Variants in SCAPER observed in about 807,000 individuals in gnomAD.
SCAPER encodes the protein S-phase cyclin A associated protein in the ER.
Under a neutral mutation model 182.2 loss-of-function variants are expected in SCAPER, and 98 were observed. The ratio of observed to expected loss-of-function variants is 0.54; its 90% CI spans 0.46 to 0.64. The LOEUF is 0.64. Among genes scored for constraint, SCAPER ranks in the 30% least tolerant of loss-of-function variants. The probability of loss-of-function intolerance (pLI) is 0.00; values close to 1 mark genes in which losing one functional copy is unlikely to be tolerated. For synonymous variants in SCAPER, 605 were observed against 564.6 expected, an observed-to-expected ratio of 1.07 and a Z score of -1.01; for missense variants, 1,432 against 1,690.0, an observed-to-expected ratio of 0.85 and a Z score of 2.68.
chr15:76,478,531 C>G (rs2050842737), intron 24 of SCAPER, among the ~76,000 whole-genome samples: 1 of 152,046 alleles, frequency 6.6e-6, no homozygotes, highest in Admixed American at 6.5e-5. Flanking sequence ...CACCTTCTAA[C>G]CATTTGTATT....
At chr15:76,784,720 G>T (rs2064449262) in intron 8 of SCAPER, among the ~76,000 whole-genome samples, 1 of 152,166 alleles carries the variant, frequency 6.6e-6, no homozygotes, top group Admixed American at 6.5e-5. Context: ...AGAGGCCTCA[G>T]AAATAACACC....
intron 24 of SCAPER, among the ~76,000 whole-genome samples, chr15:76,501,856 G>A (rs1054690232): frequency 1.3e-5 from 2 of 152,184 alleles, no homozygotes; most frequent in Non-Finnish European, 2.9e-5. Flanking sequence ...GAGAGCAACT[G>A]GAAGGAAAAT....
chr15:76,794,880 C>G (rs536952809), intron 8 of SCAPER, among the ~76,000 whole-genome samples: 6 of 152,034 alleles, frequency 3.9e-5, no homozygotes, highest in Non-Finnish European at 5.9e-5. Context: ...AAGATAAACA[C>G]AGAATATTAT....
intron 20 of SCAPER, among the ~76,000 whole-genome samples, chr15:76,685,276 G>A (rs35138393): frequency 0.38 from 57,489 of 151,448 alleles, 12,951 homozygotes; most frequent in Middle Eastern, 0.52. Flanking sequence ...GAATGCCACC[G>A]CTACATGTGT....
At chr15:76,885,274 G>T (rs2073780237) in intron 1 of SCAPER, among the ~76,000 whole-genome samples, 1 of 152,112 alleles carries the variant, frequency 6.6e-6, no homozygotes, top group African/African-American at 2.4e-5. Flanking sequence ...CTCACAGTAG[G>T]TTATCATGTC....
chr15:76,417,095 G>T (rs1410836343), intron 26 of SCAPER, among the ~76,000 whole-genome samples: 1 of 151,474 alleles, frequency 6.6e-6, no homozygotes, highest in Non-Finnish European at 1.5e-5. Context: ...GTTTAAAAAA[G>T]CACATTATAA....
intron 17 of SCAPER, among the ~76,000 whole-genome samples, chr15:76,715,562 C>T (rs1456601400): frequency 6.6e-6 from 1 of 152,076 alleles, no homozygotes; most frequent in East Asian, 1.9e-4. Context: ...CTGTATCTTG[C>T]CATTCCTGGC....
At position 76,434,315 on chromosome 15, in the gene SCAPER, A is replaced by G; in HGVS notation, c.3079-5T>C. The G allele has an allele frequency of 1.3e-6, 2 of 1,589,154 alleles. No homozygotes were observed. The highest frequency in any genetic ancestry group is 1.7e-6 in the Non-Finnish European group (2 of 1,164,062). ...ATTTTCATCTGGAACATAAACCTAGATGAAAAAAAAGTACAGTAAATATGT... is the reference window on the plus strand; with the variant it reads ...ATTTTCATCTGGAACATAAACCTAGGTGAAAAAAAAGTACAGTAAATATGT... On this transcript the variant is annotated splice_polypyrimidine_tract_variant and splice_region_variant and intron_variant, in intron 25 of 31. Transcript: ENST00000563290.
chr15:76,446,394 C>T (rs956211298), intron 25 of SCAPER, among the ~76,000 whole-genome samples: 4 of 152,184 alleles, frequency 2.6e-5, no homozygotes, highest in Non-Finnish European at 4.4e-5. Context: ...CAGGCTTCAA[C>T]TGGTGCTAAT....
chr15:76,845,377 C>T (rs1272349536), intron 4 of SCAPER, among the ~76,000 whole-genome samples: 1 of 152,008 alleles, frequency 6.6e-6, no homozygotes, highest in Non-Finnish European at 1.5e-5. Flanking sequence ...CTACTTAGAG[C>T]AATCAGACAT....
At chr15:76,886,910 A>G (rs1210958465) in intron 1 of SCAPER, among the ~76,000 whole-genome samples, 3 of 152,190 alleles carry the variant, frequency 2.0e-5, no homozygotes, top group African/African-American at 7.2e-5. Flanking sequence ...ACAGAAAACC[A>G]AACACCGCAT....
At position 76,435,289 on chromosome 15, in the gene SCAPER, A is replaced by G. The variant is rs145497453; in HGVS notation, c.3079-979T>C. 5.9e-5 allele frequency among the ~76,000 whole-genome samples: 9 copies of G among 152,370 alleles called. 1 individual carries two copies. The East Asian group carries it at 1.7e-3, about 29-fold the overall frequency. On this transcript the variant is annotated intron_variant, in intron 25 of 31. Coordinates refer to ENST00000563290, the MANE Select transcript of SCAPER (RefSeq NM_020843.4). ...AGTTATTGTTTTTTCTATTATGACT[A>G]TGCAAATATTCACAGCTAATCTACT...
At chr15:76,542,341 G>C (rs973028028) in intron 23 of SCAPER, among the ~76,000 whole-genome samples, 2 of 151,846 alleles carry the variant, frequency 1.3e-5, no homozygotes, top group Non-Finnish European at 2.9e-5. Flanking sequence ...TGGCCAACAT[G>C]GTGAAGCCCC....
chr15:76,431,935 A>G (rs1257190486), intron 26 of SCAPER, among the ~76,000 whole-genome samples: 1 of 152,146 alleles, frequency 6.6e-6, no homozygotes, highest in African/African-American at 2.4e-5. Context: ...TTCCTAAAGG[A>G]GGAAGGTATT....
At chr15:76,852,630 T>A (rs886770819) in intron 4 of SCAPER, among the ~76,000 whole-genome samples, 1 of 152,206 alleles carries the variant, frequency 6.6e-6, no homozygotes, top group African/African-American at 2.4e-5. Context: ...CAAGGAGTTC[T>A]TTGAAACTAA....
chr15:76,630,310 C>T (rs969523338), intron 21 of SCAPER, among the ~76,000 whole-genome samples: 8 of 152,124 alleles, frequency 5.3e-5, no homozygotes, highest in Non-Finnish European at 1.2e-4. Flanking sequence ...CAGTTCTGCT[C>T]TGAGCTTGGT....
At chr15:76,660,578 G>T (rs2056064497) in intron 21 of SCAPER, among the ~76,000 whole-genome samples, 1 of 151,988 alleles carries the variant, frequency 6.6e-6, no homozygotes. Context: ...ACTAAGAATA[G>T]AAGAAAGCTT....
rs571643886 is a variant in SCAPER, at chr15:76,440,428, T to A, written c.3079-6118A>T. On this transcript the variant is annotated intron_variant, in intron 25 of 31. Transcript: ENST00000563290. ...TTTTATTAGTAATAGAAATCTATTG[T>A]TCTGTAATGTGATTCCATGAGAGAG... Among the ~76,000 whole-genome samples, 3 of 152,398 alleles carry A rather than the reference T, an allele frequency of 2.0e-5. No homozygotes were observed. The East Asian group carries it at 5.8e-4, about 29-fold the overall frequency.
At chr15:76,549,711 C>T (rs189466475) in intron 23 of SCAPER, among the ~76,000 whole-genome samples, 8 of 150,162 alleles carry the variant, frequency 5.3e-5, no homozygotes, top group Non-Finnish European at 1.0e-4. Context: ...CTAACCTGCA[C>T]GTTGTGCACA....
Sources: allele counts gnomAD v4.1 joint callset (sites outside exome capture counted in the v4.1 genomes callset), GRCh38; gene constraint gnomAD v4.1.1; transcripts MANE v1.5; gene names NCBI Gene and HGNC (gene_info 2026-07-23, HGNC 2026-07-21).